NRXN3: variants seen among roughly 807,000 people sequenced by gnomAD.
NRXN3 encodes neurexin 3.
A neutral mutation model predicts 137.6 loss-of-function variants in NRXN3; 32 were observed. The ratio of observed to expected loss-of-function variants is 0.23; its 90% confidence interval spans 0.18 to 0.31. NRXN3 has a LOEUF of 0.31. NRXN3 is among the 10% of genes least tolerant of loss of function. The probability of loss-of-function intolerance (pLI) is 1.00; values close to 1 mark genes in which losing one functional copy is unlikely to be tolerated. For synonymous variants in NRXN3, 798 were observed against 784.5 expected (o/e 1.02, Z -0.29); for missense variants, 1,574 against 2,062.5 (o/e 0.76, Z 4.59).
At chr14:79,726,790 C>A (rs77554997) in intron 19 of NRXN3, among the ~76,000 whole-genome samples, 11,579 of 152,102 alleles carry the variant, frequency 0.076, 517 homozygotes, top group South Asian at 0.23. Context: ...ATATGATAAA[C>A]TACATTTTTG....
intron 15 of NRXN3, among the ~76,000 whole-genome samples, chr14:79,250,513 T>A (rs1052987618): frequency 6.6e-6 from 1 of 152,216 alleles, no homozygotes; most frequent in South Asian, 2.1e-4. Flanking sequence ...CAAGTCACTA[T>A]GAGTATTATT....
intron 10 of NRXN3, among the ~76,000 whole-genome samples, chr14:78,831,307 G>A (rs2098981057): frequency 6.6e-6 from 1 of 151,930 alleles, no homozygotes; most frequent in Non-Finnish European, 1.5e-5. Flanking sequence ...CAGCACTTTG[G>A]GAGGTGGATC....
chr14:78,375,125 A>G (rs2087577609), intron 4 of NRXN3, among the ~76,000 whole-genome samples: 1 of 152,232 alleles, frequency 6.6e-6, no homozygotes, highest in Non-Finnish European at 1.5e-5. Context: ...ACCTTTTGAT[A>G]GACTTACTTT....
chr14:78,624,375 G>A (rs2152510093), intron 4 of NRXN3, among the ~76,000 whole-genome samples: 1 of 152,310 alleles, frequency 6.6e-6, no homozygotes, highest in South Asian at 2.1e-4. Flanking sequence ...TTATGCCCCT[G>A]ACACACTGGG....
At chr14:79,089,646 A>T (rs2048788749) in intron 15 of NRXN3, among the ~76,000 whole-genome samples, 1 of 151,194 alleles carries the variant, frequency 6.6e-6, no homozygotes, top group African/African-American at 2.4e-5. Flanking sequence ...CTTTTTCAAA[A>T]AATAACTCTT....
chr14:78,462,944 T>A (rs2094966503), intron 4 of NRXN3, among the ~76,000 whole-genome samples: 1 of 152,314 alleles, frequency 6.6e-6, no homozygotes, highest in African/African-American at 2.4e-5. Context: ...AGTGTATCCA[T>A]CACCTGAACA....
At chr14:79,742,346 A>G (rs1475799393) in intron 19 of NRXN3, among the ~76,000 whole-genome samples, 1 of 152,160 alleles carries the variant, frequency 6.6e-6, no homozygotes. Flanking sequence ...ACCTCGATTC[A>G]TTTGCTGCAT....
chr14:78,792,952 A>T lies in NRXN3; in HGVS notation c.2045-10668A>T, dbSNP rs551081627. 2.1e-4 allele frequency among the ~76,000 whole-genome samples: 32 copies of T among 152,328 alleles called. No individual in the cohort carries two copies. In the East Asian group the frequency reaches 4.1e-3, roughly 19 times the overall value. On this transcript the variant is annotated intron_variant, in intron 8 of 20. Coordinates refer to ENST00000335750, the MANE Select transcript of NRXN3 (RefSeq NM_001330195.2). ...ATAACACAGATGAGCTCTTTTTAAA[A>T]ATGTTGTTACCATACAATAACTTAA...
chr14:78,283,933 T>C (rs2074796695), intron 3 of NRXN3, among the ~76,000 whole-genome samples: 1 of 152,226 alleles, frequency 6.6e-6, no homozygotes, highest in Non-Finnish European at 1.5e-5. Context: ...GTCTCTATCA[T>C]GGCACTGTGA....
intron 5 of NRXN3, among the ~76,000 whole-genome samples, chr14:78,647,864 T>C (rs1415936045): frequency 6.6e-6 from 1 of 152,278 alleles, no homozygotes; most frequent in African/African-American, 2.4e-5. Flanking sequence ...TGGTGGGATC[T>C]TCCTGTCTAT....
At chr14:78,774,819 G>A (rs1051968406) in intron 8 of NRXN3, among the ~76,000 whole-genome samples, 9 of 152,076 alleles carry the variant, frequency 5.9e-5, no homozygotes, top group South Asian at 2.1e-4. Flanking sequence ...ACCTACTTGG[G>A]AGGCTGAGAC....
chr14:78,382,042 AC>A (rs1265718086), intron 4 of NRXN3, among the ~76,000 whole-genome samples: 1 of 152,100 alleles, frequency 6.6e-6, no homozygotes, highest in African/African-American at 2.4e-5. Context: ...GTGATATTGT[AC>A]TATAGGTTTC....
At chr14:78,524,677 A>G (rs938705037) in intron 4 of NRXN3, among the ~76,000 whole-genome samples, 1 of 152,214 alleles carries the variant, frequency 6.6e-6, no homozygotes, top group African/African-American at 2.4e-5. Flanking sequence ...AAACTTCATG[A>G]GCCAGATACG....
intron 15 of NRXN3, among the ~76,000 whole-genome samples, chr14:79,067,353 C>T (rs922413165): frequency 3.3e-5 from 5 of 151,830 alleles, no homozygotes; most frequent in South Asian, 2.1e-4. Context: ...GATGTGCTGC[C>T]GAATTCAGTT....
At chr14:79,192,765 A>AT (rs961910712) in intron 15 of NRXN3, among the ~76,000 whole-genome samples, 55,907 of 113,832 alleles carry the variant, frequency 0.49, 14,437 homozygotes, top group East Asian at 0.59. Flanking sequence ...AATTCTCTTA[A>AT]TTTTTTTTTT....
intron 8 of NRXN3, among the ~76,000 whole-genome samples, chr14:78,780,435 TA>T (rs1161352942): frequency 1.3e-5 from 2 of 152,048 alleles, no homozygotes; most frequent in Non-Finnish European, 1.5e-5. Flanking sequence ...CATAGATCAT[TA>T]AAAAAATATT....
chr14:78,842,338 A>G lies in NRXN3; in HGVS notation c.2275+31994A>G, dbSNP rs1014081309. On this transcript the variant is annotated intron_variant, in intron 10 of 20. Coordinates refer to ENST00000335750, the MANE Select transcript of NRXN3 (RefSeq NM_001330195.2). ...TTTTAAAGCTGGGTGTCCGGGGGAG[A>G]CATCACATATCGGCAGGTTCCGTGA... Among the ~76,000 whole-genome samples the G allele has an allele frequency of 6.6e-5, 10 of 152,112 alleles. No individual in the cohort carries two copies. In the South Asian group the frequency reaches 1.0e-3, roughly 16 times the overall value.
intron 4 of NRXN3, among the ~76,000 whole-genome samples, chr14:78,473,246 C>CA (rs1300359371): frequency 6.6e-6 from 1 of 151,602 alleles, no homozygotes; most frequent in Non-Finnish European, 1.5e-5. Context: ...ACTAAAAATA[C>CA]AAAAAATTAG....
intron 15 of NRXN3, among the ~76,000 whole-genome samples, chr14:79,153,901 A>C (rs556067167): frequency 6.6e-6 from 1 of 152,080 alleles, no homozygotes; most frequent in African/African-American, 2.4e-5. Flanking sequence ...ATTTGGAAGG[A>C]GTAGCATCCT....
Sources: gnomAD v4.1 joint callset for allele counts (sites outside exome capture counted in the v4.1 genomes callset) on GRCh38, gnomAD v4.1.1 for gene constraint, MANE v1.5 for transcripts, NCBI Gene and HGNC (gene_info 2026-07-23, HGNC 2026-07-21) for gene names.